Variants in FBLN7 observed in about 807,000 individuals in gnomAD.
FBLN7 encodes the protein fibulin 7, also known as fibulin-7.
A neutral mutation model predicts 44.0 loss-of-function variants in FBLN7; 31 were observed. The ratio of observed to expected loss-of-function variants is 0.70; its 90% confidence interval spans 0.53 to 0.95. FBLN7 has a LOEUF of 0.95. Among genes scored for constraint, FBLN7 ranks in the 40% least tolerant of loss-of-function variants. The probability of loss-of-function intolerance (pLI) is 0.00; values close to 1 mark genes in which losing one functional copy is unlikely to be tolerated. For missense variants in FBLN7, 573 were observed against 618.5 expected, an observed-to-expected ratio of 0.93 and a Z score of 0.78; for synonymous variants, 262 against 253.4, an observed-to-expected ratio of 1.03 and a Z score of -0.32.
the FBLN7 span, chr2:112,214,422 A>AT: frequency 6.6e-6 from 1 of 152,096 alleles, no homozygotes; most frequent in Non-Finnish European, 1.5e-5. Context: ...GATTTTTCCC[A>AT]TACAACTTTC....
the FBLN7 span, among the ~76,000 whole-genome samples, chr2:112,208,357 C>T: frequency 6.6e-6 from 1 of 152,126 alleles, no homozygotes; most frequent in Non-Finnish European, 1.5e-5. Flanking sequence ...GTCGAGATCA[C>T]ACCATTGTAC....
chr2:112,186,518 T>C (rs1488513776), intron 7 of FBLN7, among the ~76,000 whole-genome samples: 2 of 152,104 alleles, frequency 1.3e-5, no homozygotes, highest in Non-Finnish European at 2.9e-5. Flanking sequence ...TGGGCACCTG[T>C]AATCCCAGCT....
chr2:112,239,042 C>T, the FBLN7 span, among the ~76,000 whole-genome samples: 1 of 152,220 alleles, frequency 6.6e-6, no homozygotes, highest in Admixed American at 6.5e-5. Context: ...TCCTATAACT[C>T]ACAGAAGTGG....
chr2:112,162,941 T>C (rs552164819), intron 2 of FBLN7, among the ~76,000 whole-genome samples: 66 of 152,282 alleles, frequency 4.3e-4, no homozygotes, highest in Non-Finnish European at 7.9e-4. Context: ...TATAAAGTAA[T>C]TTATTTCAGA....
At chr2:112,233,297 T>C in the FBLN7 span, 2 of 1,599,594 alleles carry the variant, frequency 1.3e-6, no homozygotes, top group Non-Finnish European at 1.7e-6. Flanking sequence ...TGGTACAATA[T>C]CCTTGTACAT....
intron 3 of FBLN7, among the ~76,000 whole-genome samples, chr2:112,171,117 C>A (rs1453453807): frequency 2.0e-5 from 3 of 152,174 alleles, no homozygotes; most frequent in Non-Finnish European, 4.4e-5. Context: ...GCGACAGACA[C>A]CCTAGTGGAG....
At position 112,151,790 on chromosome 2, in the gene FBLN7, G is replaced by C. The variant is rs1466741102; in HGVS notation, c.76-7886G>C. 1.1e-4 allele frequency: 16 copies of C among 152,320 alleles called. No homozygotes were observed. In the East Asian group the frequency reaches 2.3e-3, roughly 22 times the overall value. 9.4% of individuals were successfully genotyped at this position (152,320 alleles called of 1,614,324 possible). On this transcript the variant is annotated intron_variant, in intron 1 of 7. Coordinates refer to ENST00000331203, the MANE Select transcript of FBLN7 (RefSeq NM_153214.3). Reference sequence around the variant, plus strand: ...TAGGAGGGGATTGCAGCTGCTGGATGCCATGTGTGTGGACCCCAAGCTCCT... The same window carrying C: ...TAGGAGGGGATTGCAGCTGCTGGATCCCATGTGTGTGGACCCCAAGCTCCT...
the FBLN7 span, among the ~76,000 whole-genome samples, chr2:112,195,807 A>G: frequency 6.6e-6 from 1 of 152,366 alleles, no homozygotes; most frequent in Middle Eastern, 3.4e-3. Context: ...AGGCAGCTCC[A>G]GTGCCAGCCT....
chr2:112,223,594 G>A, the FBLN7 span, among the ~76,000 whole-genome samples: 1 of 152,124 alleles, frequency 6.6e-6, no homozygotes, highest in Admixed American at 6.5e-5. Context: ...GGGGCTACAA[G>A]CAAAATAGTA....
At chr2:112,209,387 T>C in the FBLN7 span, among the ~76,000 whole-genome samples, 1 of 152,182 alleles carries the variant, frequency 6.6e-6, no homozygotes, top group African/African-American at 2.4e-5. Context: ...TTTGCTGAAT[T>C]ACCCTGGGAA....
intron 5 of FBLN7, 105 bp downstream of exon 5, chr2:112,181,981 C>A: frequency 7.2e-7 from 1 of 1,392,992 alleles, no homozygotes; most frequent in Non-Finnish European, 9.4e-7. Context: ...TGGCTTCCTG[C>A]GCGCGGTCTC....
intron 2 of FBLN7, among the ~76,000 whole-genome samples, chr2:112,160,109 G>T (rs1681666373): frequency 6.6e-6 from 1 of 152,116 alleles, no homozygotes; most frequent in Admixed American, 6.5e-5. Flanking sequence ...TCCTGCCTCA[G>T]CCTCCCGCGT....
chr2:112,192,530 G>C (rs1683524051), downstream of FBLN7, among the ~76,000 whole-genome samples: 3 of 152,178 alleles, frequency 2.0e-5, no homozygotes, highest in Admixed American at 2.0e-4. Flanking sequence ...AAGTTAGCTA[G>C]GATTCTGGAT....
chr2:112,206,820 C>A, the FBLN7 span, among the ~76,000 whole-genome samples: 1 of 149,444 alleles, frequency 6.7e-6, no homozygotes, highest in South Asian at 2.1e-4. Flanking sequence ...TCAGCCTCAA[C>A]CTCTCAGGCT....
chr2:112,217,348 G>A, the FBLN7 span, among the ~76,000 whole-genome samples: 1 of 152,134 alleles, frequency 6.6e-6, no homozygotes, highest in African/African-American at 2.4e-5. Context: ...ATTCAAGCCT[G>A]GGTGACTCCA....
At chr2:112,206,166 G>C in the FBLN7 span, among the ~76,000 whole-genome samples, 1 of 152,158 alleles carries the variant, frequency 6.6e-6, no homozygotes, top group Admixed American at 6.5e-5. Flanking sequence ...GCATGTAGCT[G>C]TTTGTAGTAT....
chr2:112,185,876 T>A (rs894823057), intron 7 of FBLN7, among the ~76,000 whole-genome samples: 1 of 152,114 alleles, frequency 6.6e-6, no homozygotes, highest in African/African-American at 2.4e-5. Context: ...AGCTTTTTTT[T>A]TTTTTTTTAA....
At chr2:112,214,389 T>C in the FBLN7 span, 3 of 152,190 alleles carry the variant, frequency 2.0e-5, no homozygotes, top group East Asian at 1.9e-4. Context: ...ATGATAACCA[T>C]GCTGGCCAAA....
At chr2:112,158,952 C>G (rs1441815956) in intron 1 of FBLN7, among the ~76,000 whole-genome samples, 1 of 152,186 alleles carries the variant, frequency 6.6e-6, no homozygotes, top group African/African-American at 2.4e-5. Flanking sequence ...TAGAAGACAT[C>G]ACCAGAAACT....
Sources: gnomAD v4.1 joint callset for allele counts (sites outside exome capture counted in the v4.1 genomes callset) on GRCh38, gnomAD v4.1.1 for gene constraint, MANE v1.5 for transcripts, NCBI Gene and HGNC (gene_info 2026-07-23, HGNC 2026-07-21) for gene names.